The following XKR9 variants were observed in gnomAD, a reference collection of about 807,000 sequenced individuals.
The protein encoded by XKR9 is XK related 9, also known as XK-related protein 9.
Under a neutral mutation model 32.0 loss-of-function variants are expected in XKR9, and 32 were observed. The ratio of observed to expected loss-of-function variants is 1.00; its 90% confidence interval spans 0.76 to 1.34. The LOEUF (loss-of-function observed/expected upper bound fraction) is 1.34, where lower values mean the gene tolerates loss of function less well. Among genes scored for constraint, XKR9 ranks in the 40% most tolerant of loss-of-function variants. The probability of loss-of-function intolerance (pLI) is 0.00; values close to 1 mark genes in which losing one functional copy is unlikely to be tolerated. For missense variants in XKR9, 546 were observed against 429.7 expected (o/e 1.27, Z -2.39); for synonymous variants, 168 against 143.4 (o/e 1.17, Z -1.22).
chr8:70,721,990 G>T (rs562424849), intron 4 of XKR9, among the ~76,000 whole-genome samples: 1 of 152,234 alleles, frequency 6.6e-6, no homozygotes, highest in African/African-American at 2.4e-5. Flanking sequence ...CCTGAATTGG[G>T]TGCATATATA....
At chr8:70,833,021 T>A in the XKR9 span, among the ~76,000 whole-genome samples, 1 of 152,228 alleles carries the variant, frequency 6.6e-6, no homozygotes, top group Non-Finnish European at 1.5e-5. Context: ...CCCAGAACTA[T>A]ATGATTATCC....
At chr8:70,946,577 C>T in the XKR9 span, among the ~76,000 whole-genome samples, 3 of 152,178 alleles carry the variant, frequency 2.0e-5, no homozygotes, top group African/African-American at 7.2e-5. Context: ...TAAGACCACA[C>T]AACCACTAAA....
the XKR9 span, among the ~76,000 whole-genome samples, chr8:70,924,799 C>T: frequency 3.3e-5 from 5 of 152,196 alleles, no homozygotes; most frequent in Non-Finnish European, 7.4e-5. Flanking sequence ...TTAAAAGTTA[C>T]ATTTCTGCAA....
At chr8:70,800,809 T>C in the XKR9 span, among the ~76,000 whole-genome samples, 1 of 152,046 alleles carries the variant, frequency 6.6e-6, no homozygotes, top group Non-Finnish European at 1.5e-5. Context: ...TTTTGGTTGG[T>C]AAGCTTTTTA....
the XKR9 span, among the ~76,000 whole-genome samples, chr8:71,064,576 C>T: frequency 6.6e-6 from 1 of 152,054 alleles, no homozygotes; most frequent in Non-Finnish European, 1.5e-5. Flanking sequence ...AGTTTTTTCT[C>T]CCACATTCTT....
chr8:70,758,265 A>G (rs1485204929), intron 2 of XKR9, among the ~76,000 whole-genome samples: 1 of 151,154 alleles, frequency 6.6e-6, no homozygotes, highest in African/African-American at 2.4e-5. Context: ...GGATGACGGC[A>G]GCACCAGTAG....
chr8:70,901,912 C>G, the XKR9 span, among the ~76,000 whole-genome samples: 180 of 152,174 alleles, frequency 1.2e-3, 1 homozygote, highest in African/African-American at 2.7e-3. Flanking sequence ...TTATTAAATA[C>G]GGAATCCTTT....
At chr8:70,810,392 A>G in the XKR9 span, among the ~76,000 whole-genome samples, 25 of 152,234 alleles carry the variant, frequency 1.6e-4, no homozygotes, top group Non-Finnish European at 2.8e-4. Flanking sequence ...CTAACTAGCA[A>G]AATAACCAGC....
chr8:70,791,747 TACTC>T (rs1807766838), downstream of XKR9, among the ~76,000 whole-genome samples: 1 of 152,152 alleles, frequency 6.6e-6, no homozygotes, highest in South Asian at 2.1e-4. Context: ...CTGTCTGAGT[TACTC>T]AGTCTGTGGT....
chr8:70,736,033 C>G (rs568146211), downstream of XKR9: 17 of 152,184 alleles, frequency 1.1e-4, no homozygotes, highest in African/African-American at 4.1e-4. Flanking sequence ...CCTGAGGAAT[C>G]ACCACACTGA....
the XKR9 span, among the ~76,000 whole-genome samples, chr8:71,029,516 A>C: frequency 6.6e-6 from 1 of 152,184 alleles, no homozygotes; most frequent in Non-Finnish European, 1.5e-5. Flanking sequence ...ATAATAGACA[A>C]CAAAATATAA....
the XKR9 span, among the ~76,000 whole-genome samples, chr8:70,908,256 T>C: frequency 6.6e-6 from 1 of 152,220 alleles, no homozygotes; most frequent in Non-Finnish European, 1.5e-5. Context: ...GTACTGAGTA[T>C]ACAGAAAGGA....
the XKR9 span, among the ~76,000 whole-genome samples, chr8:70,829,030 G>A: frequency 6.6e-6 from 1 of 152,132 alleles, no homozygotes; most frequent in Admixed American, 6.5e-5. Flanking sequence ...GAGAGTCATG[G>A]TAACATTTAC....
At chr8:71,052,509 T>A in the XKR9 span, among the ~76,000 whole-genome samples, 2 of 152,244 alleles carry the variant, frequency 1.3e-5, no homozygotes, top group East Asian at 3.9e-4. Context: ...TCCTCCAGGG[T>A]AACTGAGGCA....
chr8:70,741,512 G>T (rs1358695461), intron 2 of XKR9, among the ~76,000 whole-genome samples: 2 of 152,182 alleles, frequency 1.3e-5, no homozygotes, highest in East Asian at 1.9e-4. Flanking sequence ...TTTGTTACTG[G>T]CTTAGTTCGT....
chr8:70,956,274 A>T, the XKR9 span, among the ~76,000 whole-genome samples: 1 of 152,116 alleles, frequency 6.6e-6, no homozygotes, highest in Non-Finnish European at 1.5e-5. Context: ...AGGAGACCCA[A>T]AGTGGTTAGC....
the XKR9 span, among the ~76,000 whole-genome samples, chr8:71,009,530 C>T: frequency 7.2e-5 from 11 of 152,124 alleles, no homozygotes; most frequent in Non-Finnish European, 1.3e-4. Flanking sequence ...GATGATGGGG[C>T]GATTGTTACT....
the XKR9 span, among the ~76,000 whole-genome samples, chr8:70,917,520 A>G: frequency 6.6e-6 from 1 of 151,984 alleles, no homozygotes; most frequent in African/African-American, 2.4e-5. Flanking sequence ...TATTAAATGC[A>G]TTTTGACTTT....
chr8:70,936,608 AATT>A, the XKR9 span, among the ~76,000 whole-genome samples: 27 of 152,114 alleles, frequency 1.8e-4, no homozygotes, highest in African/African-American at 6.5e-4. Context: ...ATGCTTTTCA[AATT>A]TTCATTGTTT....
Sources: allele counts gnomAD v4.1 joint callset (sites outside exome capture counted in the v4.1 genomes callset), GRCh38; gene constraint gnomAD v4.1.1; transcripts MANE v1.5; gene names NCBI Gene and HGNC (gene_info 2026-07-23, HGNC 2026-07-21).